The following KCNMA1 variants were observed in gnomAD, a reference collection of about 807,000 sequenced individuals.
KCNMA1 encodes potassium calcium-activated channel subfamily M alpha 1.
KCNMA1 carries 29 observed loss-of-function variants against 140.0 expected under a neutral mutation model. That is an observed-to-expected ratio of 0.21 (90% CI 0.15 to 0.28). KCNMA1 has a LOEUF of 0.28. Ranked by LOEUF, KCNMA1 falls within the 10% of genes least tolerant of loss-of-function variation. The pLI is 1.00. For synonymous variants in KCNMA1, 612 were observed against 611.9 expected, an observed-to-expected ratio of 1.00 and a Z score of 0.00; for missense variants, 880 against 1,602.2, an observed-to-expected ratio of 0.55 and a Z score of 7.70.
chr10:77,420,207 T>G (rs958148058), intron 1 of KCNMA1, among the ~76,000 whole-genome samples: 1 of 151,846 alleles, frequency 6.6e-6, no homozygotes, highest in Non-Finnish European at 1.5e-5. Context: ...CAATCAGGAG[T>G]CTAGATTGAG....
At chr10:77,000,873 T>TAG (rs2086114717) in intron 19 of KCNMA1, among the ~76,000 whole-genome samples, 1 of 81,806 alleles carries the variant, frequency 1.2e-5, no homozygotes, top group South Asian at 4.7e-4. Context: ...TATATATATA[T>TAG]ATATATATAT....
chr10:76,952,243 G>A (rs1408781240), intron 21 of KCNMA1: 2 of 1,444,698 alleles, frequency 1.4e-6, no homozygotes, highest in Non-Finnish European at 1.9e-6. Context: ...ATATATGGCT[G>A]GGTGCAGTGA....
At chr10:77,314,203 CT>C (rs959216209) in intron 2 of KCNMA1, 3 of 152,270 alleles carry the variant, frequency 2.0e-5, no homozygotes, top group Admixed American at 2.0e-4. Context: ...CCAAAAGCCA[CT>C]GATGAATCTA....
chr10:77,135,816 AG>A (rs1323475966), intron 5 of KCNMA1, among the ~76,000 whole-genome samples: 3 of 152,286 alleles, frequency 2.0e-5, no homozygotes, highest in East Asian at 1.9e-4. Flanking sequence ...GTTGGAGGGA[AG>A]GGTGGTTGGG....
At chr10:77,520,201 C>T (rs370127823) in intron 1 of KCNMA1, among the ~76,000 whole-genome samples, 5 of 121,164 alleles carry the variant, frequency 4.1e-5, no homozygotes, top group East Asian at 2.4e-4. Context: ...TGAGGGTGTG[C>T]AGTGTGAGGT....
intron 2 of KCNMA1, chr10:77,350,475 A>C (rs1040444436): frequency 6.6e-6 from 1 of 152,146 alleles, no homozygotes; most frequent in East Asian, 1.9e-4. Context: ...ATAGGCTAAA[A>C]AATCTCCTGC....
intron 2 of KCNMA1, among the ~76,000 whole-genome samples, chr10:77,345,889 C>G (rs2092028212): frequency 6.6e-6 from 1 of 152,162 alleles, no homozygotes; most frequent in African/African-American, 2.4e-5. Context: ...ATTCTCCTAC[C>G]TACCTTGGCC....
At chr10:77,615,882 G>A (rs1567887320) in intron 1 of KCNMA1, among the ~76,000 whole-genome samples, 1 of 152,132 alleles carries the variant, frequency 6.6e-6, no homozygotes, top group East Asian at 1.9e-4. Context: ...AAAGGAGAGG[G>A]ATCTAAAATA....
chr10:76,905,190 A>G (rs2047315153), intron 25 of KCNMA1: 1 of 152,242 alleles, frequency 6.6e-6, no homozygotes, highest in African/African-American at 2.4e-5. Context: ...GACTTCTATT[A>G]CAGATCTTTT....
chr10:76,898,770 A>G (rs1394402581), intron 25 of KCNMA1, among the ~76,000 whole-genome samples: 1 of 151,916 alleles, frequency 6.6e-6, no homozygotes, highest in South Asian at 2.1e-4. Context: ...GGCCAATGCT[A>G]TAGAGACAAA....
At chr10:77,279,432 C>T (rs181809133) in intron 2 of KCNMA1, among the ~76,000 whole-genome samples, 4 of 152,196 alleles carry the variant, frequency 2.6e-5, no homozygotes, top group East Asian at 1.9e-4. Context: ...TCCCAGCAAG[C>T]GGACAAAGGG....
chr10:77,116,642 A>G (rs1345100984), intron 6 of KCNMA1, among the ~76,000 whole-genome samples: 1 of 152,146 alleles, frequency 6.6e-6, no homozygotes, highest in Non-Finnish European at 1.5e-5. Flanking sequence ...TCTGAATGAC[A>G]ACATGAGTGG....
At chr10:76,884,662 C>A, downstream of KCNMA1, 1 of 241,944 alleles carries the variant, frequency 4.1e-6, no homozygotes. Flanking sequence ...AATTACCCAA[C>A]CCCACACCCA....
chr10:77,075,302 G>A (rs559603596), intron 13 of KCNMA1, among the ~76,000 whole-genome samples: 2 of 152,164 alleles, frequency 1.3e-5, no homozygotes, highest in Admixed American at 6.5e-5. Flanking sequence ...CCTGGGCATC[G>A]TAGAGAACAC....
chr10:77,604,525 T>C (rs1327611970), intron 1 of KCNMA1, among the ~76,000 whole-genome samples: 1 of 148,828 alleles, frequency 6.7e-6, no homozygotes, highest in African/African-American at 2.5e-5. Context: ...GGCAACAGAA[T>C]GAGACCTCAT....
intron 1 of KCNMA1, among the ~76,000 whole-genome samples, chr10:77,548,688 G>C (rs988799472): frequency 1.3e-5 from 2 of 152,204 alleles, no homozygotes; most frequent in African/African-American, 4.8e-5. Context: ...TCTTGCCCCA[G>C]CTCTGTGGCT....
intron 5 of KCNMA1, among the ~76,000 whole-genome samples, chr10:77,159,273 A>C (rs892751774): frequency 2.0e-5 from 3 of 152,144 alleles, no homozygotes; most frequent in African/African-American, 7.2e-5. Context: ...CTTTTGTTTT[A>C]GGAAAACAAT....
intron 20 of KCNMA1, among the ~76,000 whole-genome samples, chr10:76,955,190 CTTTTTTCT>C (rs1256595438): frequency 3.3e-4 from 35 of 105,658 alleles, no homozygotes; most frequent in African/African-American, 9.2e-4. Flanking sequence ...TGACTTTTTT[CTTTTTTCT>C]TTTTTTTTTT....
At chr10:77,362,365 C>CCACACACACA (rs138917552) in intron 2 of KCNMA1, among the ~76,000 whole-genome samples, 1,843 of 119,060 alleles carry the variant, frequency 0.015, 18 homozygotes, top group African/African-American at 0.016. Context: ...CCCCCCCACC[C>CCACACACACA]CACACACACA....
Sources: gnomAD v4.1 joint callset for allele counts (sites outside exome capture counted in the v4.1 genomes callset) on GRCh38, gnomAD v4.1.1 for gene constraint, MANE v1.5 for transcripts, NCBI Gene and HGNC (gene_info 2026-07-23, HGNC 2026-07-21) for gene names.